Variants in PPP1R12B observed in about 807,000 individuals in gnomAD.
PPP1R12B encodes the protein myosin phosphatase target subunit 2.
PPP1R12B carries 76 observed loss-of-function variants against 126.1 expected under a neutral mutation model. That is an observed-to-expected ratio of 0.60 (90% confidence interval 0.50 to 0.73). The LOEUF is 0.73. Among genes scored for constraint, PPP1R12B ranks in the 30% least tolerant of loss-of-function variants. The probability of loss-of-function intolerance (pLI) is 0.00; values close to 1 mark genes in which losing one functional copy is unlikely to be tolerated. For synonymous variants in PPP1R12B, 356 were observed against 434.7 expected (o/e 0.82, Z 2.25); for missense variants, 1,052 against 1,205.1 (o/e 0.87, Z 1.88).
At position 202,503,822 on chromosome 1, in the gene PPP1R12B, T is replaced by G. The variant is rs538863695; in HGVS notation, c.2490+7000T>G. Among the ~76,000 whole-genome samples, 81 of 151,510 alleles carry G rather than the reference T, an allele frequency of 5.3e-4. 1 individual carries two copies. Among genetic ancestry groups the G allele is most frequent in the Non-Finnish European group, 1.0e-4 (7 of 67,870 alleles). On this transcript the variant is annotated intron_variant, in intron 18 of 23. Coordinates refer to ENST00000608999, the MANE Select transcript of PPP1R12B (RefSeq NM_002481.4). ...AAGGGCTATTTCCCATGAAATCTGC[T>G]CAGTCTGTTTATAAATGGACCATGC... is the stretch of plus-strand genomic sequence containing the variant.
rs58683662 is a variant in PPP1R12B at position 202,353,586 on chromosome 1, TTGTGTGTG to T, written c.291+4481_291+4488del. ...AGAATTTCTTCCCTATTCTTCTTCTTTGTGTGTGTGTGTGTGTGTGTGTGTGTGTGTGT... is the reference window on the plus strand; with the variant it reads ...AGAATTTCTTCCCTATTCTTCTTCTTTGTGTGTGTGTGTGTGTGTGTGTGT... On this transcript the variant is annotated intron_variant, in intron 1 of 23. Coordinates refer to ENST00000608999, the MANE Select transcript of PPP1R12B (RefSeq NM_002481.4). Among the ~76,000 whole-genome samples, 542 of 120,810 alleles carry T rather than the reference TTGTGTGTG, an allele frequency of 4.5e-3. 6 individuals are homozygous for T. The highest frequency in any genetic ancestry group is 0.013 in the African/African-American group (400 of 31,550). 79.3% of individuals were successfully genotyped at this position (120,810 alleles called of 152,430 possible).
At chr1:202,394,309 AAAG>A (rs1270213547) in intron 1 of PPP1R12B, among the ~76,000 whole-genome samples, 1 of 152,230 alleles carries the variant, frequency 6.6e-6, no homozygotes, top group African/African-American at 2.4e-5. Flanking sequence ...CATCTCAAAA[AAAG>A]AAAAAAAAAA....
intron 1 of PPP1R12B, among the ~76,000 whole-genome samples, chr1:202,350,867 C>T (rs184936733): frequency 6.6e-6 from 1 of 152,166 alleles, no homozygotes; most frequent in East Asian, 1.9e-4. Context: ...GAGATCCACC[C>T]TCCTTGGCCT....
chr1:202,559,118 T>C (rs1339344735), intron 19 of PPP1R12B, among the ~76,000 whole-genome samples: 2 of 152,224 alleles, frequency 1.3e-5, no homozygotes, highest in East Asian at 3.8e-4. Context: ...CTCTTTCCAG[T>C]TCACCTTGTA....
chr1:202,522,072 G>A (rs1682845350), intron 18 of PPP1R12B, among the ~76,000 whole-genome samples: 2 of 152,190 alleles, frequency 1.3e-5, no homozygotes, highest in Admixed American at 1.3e-4. Context: ...AAAAATAACT[G>A]TGAGCTTCCA....
chr1:202,367,405 A>G (rs1013731839), intron 1 of PPP1R12B, among the ~76,000 whole-genome samples: 12 of 152,210 alleles, frequency 7.9e-5, no homozygotes, highest in African/African-American at 2.7e-4. Context: ...GACTAAGATG[A>G]GGATAAAAAT....
At chr1:202,499,860 A>G (rs534425165) in intron 18 of PPP1R12B, among the ~76,000 whole-genome samples, 37 of 152,362 alleles carry the variant, frequency 2.4e-4, no homozygotes, top group African/African-American at 8.7e-4. Context: ...AGGAATGGCC[A>G]TAATGTTTGC....
intron 13 of PPP1R12B, among the ~76,000 whole-genome samples, chr1:202,452,832 CT>C (rs998403194): frequency 1.9e-3 from 269 of 141,972 alleles, no homozygotes; most frequent in Non-Finnish European, 2.0e-3. Context: ...CTCTCTCTCT[CT>C]TTTTTTTTTT....
At chr1:202,463,652 C>T (rs1348209448) in intron 13 of PPP1R12B, among the ~76,000 whole-genome samples, 3 of 152,166 alleles carry the variant, frequency 2.0e-5, no homozygotes, top group Admixed American at 6.5e-5. Context: ...TTACTACACA[C>T]TCTACAATCA....
intron 4 of PPP1R12B, among the ~76,000 whole-genome samples, chr1:202,425,978 G>A (rs779755466): frequency 1.3e-5 from 2 of 152,090 alleles, no homozygotes; most frequent in African/African-American, 2.4e-5. Flanking sequence ...TCCTAGGAGG[G>A]GACTTCTTCC....
intron 18 of PPP1R12B, among the ~76,000 whole-genome samples, chr1:202,533,071 G>A (rs1684139709): frequency 6.6e-6 from 1 of 151,834 alleles, no homozygotes; most frequent in African/African-American, 2.4e-5. Flanking sequence ...GTTTCTCCAT[G>A]TTGGTCAGGC....
chr1:202,349,971 A>C (rs982223885), intron 1 of PPP1R12B, among the ~76,000 whole-genome samples: 3 of 152,160 alleles, frequency 2.0e-5, no homozygotes, highest in Non-Finnish European at 4.4e-5. Context: ...TGCCATGACT[A>C]ACTACCCCTC....
intron 13 of PPP1R12B, among the ~76,000 whole-genome samples, chr1:202,467,285 A>G (rs1158875111): frequency 6.6e-6 from 1 of 151,136 alleles, no homozygotes; most frequent in African/African-American, 2.4e-5. Flanking sequence ...CAGGTTAGTT[A>G]CATATGTATA....
At chr1:202,487,706 A>G (rs1317826189) in intron 13 of PPP1R12B, among the ~76,000 whole-genome samples, 1 of 151,750 alleles carries the variant, frequency 6.6e-6, no homozygotes, top group Non-Finnish European at 1.5e-5. Flanking sequence ...CCTCCAAGTT[A>G]AAGTGATTCT....
intron 18 of PPP1R12B, among the ~76,000 whole-genome samples, chr1:202,558,137 T>TAA (rs760052139): frequency 1.4e-5 from 2 of 142,274 alleles, no homozygotes; most frequent in African/African-American, 2.6e-5. Flanking sequence ...CAGAGTTCTT[T>TAA]AAAAAAAAAA....
rs932840615 is a variant in PPP1R12B at position 202,583,455 on chromosome 1, C to T, written c.*2895C>T. On this transcript the variant is annotated 3_prime_UTR_variant, in exon 24 of 24. Transcript: ENST00000608999. Reference sequence around the variant, plus strand: ...TGCAAGCTTTTCAATCTCAGGAATACTGGATTCTATAGCCAAGAACTCATG... The same window carrying T: ...TGCAAGCTTTTCAATCTCAGGAATATTGGATTCTATAGCCAAGAACTCATG... The T allele has an allele frequency of 6.6e-6, 1 of 152,210 alleles. No homozygotes were observed. The highest frequency in any genetic ancestry group is 2.4e-5 in the African/African-American group (1 of 41,472). 9.4% of individuals were successfully genotyped at this position (152,210 alleles called of 1,614,324 possible).
chr1:202,372,994 G>A (rs1395275919), intron 1 of PPP1R12B, among the ~76,000 whole-genome samples: 1 of 151,798 alleles, frequency 6.6e-6, no homozygotes, highest in Non-Finnish European at 1.5e-5. Flanking sequence ...GAGTACACTG[G>A]CACTATCTTG....
Position 202,583,864 on chromosome 1 carries a change from A to G in PPP1R12B, c.*3304A>G, listed in dbSNP as rs1689676558. ...CACTTAACTTAGAGTCTTTACATGA[A>G]ATATCAGAATGGGAAAGAGAATGTT... On this transcript the variant is annotated 3_prime_UTR_variant, in exon 24 of 24. Coordinates refer to ENST00000608999, the MANE Select transcript of PPP1R12B (RefSeq NM_002481.4). The G allele has an allele frequency of 3.3e-5, 5 of 152,238 alleles. No homozygotes were observed. The South Asian group carries it at 1.0e-3, about 32-fold the overall frequency. The allele number at this position is 152,238 out of a possible 1,614,324, so 9.4% of individuals were successfully genotyped here.
At chr1:202,457,287 C>T (rs1673755581) in intron 13 of PPP1R12B, among the ~76,000 whole-genome samples, 2 of 152,198 alleles carry the variant, frequency 1.3e-5, no homozygotes, top group South Asian at 4.1e-4. Flanking sequence ...CAGTAGCTCA[C>T]ACCTGTAATC....
Sources: gnomAD v4.1 joint callset for allele counts (sites outside exome capture counted in the v4.1 genomes callset) on GRCh38, gnomAD v4.1.1 for gene constraint, MANE v1.5 for transcripts, NCBI Gene and HGNC (gene_info 2026-07-23, HGNC 2026-07-21) for gene names.